The following WDR27 variants were observed in gnomAD, a reference collection of about 807,000 sequenced individuals.
WDR27 encodes WD repeat domain 27, also known as WD repeat-containing protein 27.
In WDR27, 100 loss-of-function variants were observed where a neutral mutation model predicts 114.4. That is an observed-to-expected ratio of 0.87 (90% CI 0.74 to 1.03). The LOEUF is 1.03. Among genes scored for constraint, WDR27 ranks in the 50% least tolerant of loss-of-function variants. The pLI, the probability that WDR27 is intolerant of heterozygous loss-of-function variation, is 0.00. For missense variants in WDR27, 1,129 were observed against 1,092.9 expected, an observed-to-expected ratio of 1.03 and a Z score of -0.47; for synonymous variants, 449 against 423.1, an observed-to-expected ratio of 1.06 and a Z score of -0.75.
At chr6:169,636,138 TC>T (rs1438174026) in intron 19 of WDR27, among the ~76,000 whole-genome samples, 1 of 152,220 alleles carries the variant, frequency 6.6e-6, no homozygotes, top group Non-Finnish European at 1.5e-5. Flanking sequence ...TTGAGGATTC[TC>T]AAATCCCCCA....
At chr6:169,510,925 AT>A (rs759062329) in intron 25 of WDR27, among the ~76,000 whole-genome samples, 44 of 152,186 alleles carry the variant, frequency 2.9e-4, no homozygotes, top group Non-Finnish European at 5.9e-4. Context: ...GGCAAAAAAA[AT>A]ATATATGCAA....
chr6:169,582,604 C>A (rs1485379316), intron 24 of WDR27, among the ~76,000 whole-genome samples: 1 of 152,144 alleles, frequency 6.6e-6, no homozygotes, highest in African/African-American at 2.4e-5. Context: ...GAGTGGCAAA[C>A]ACCTTCATTA....
At chr6:169,672,982 G>GA (rs2128299092) in intron 2 of WDR27, among the ~76,000 whole-genome samples, 1 of 152,294 alleles carries the variant, frequency 6.6e-6, no homozygotes, top group South Asian at 2.1e-4. Context: ...TGGAGCAGAC[G>GA]AGTGTTGGGG....
chr6:169,468,767 T>C (rs1280173943), intron 25 of WDR27, among the ~76,000 whole-genome samples: 1 of 152,102 alleles, frequency 6.6e-6, no homozygotes. Flanking sequence ...CATAACAAAA[T>C]AACATAGATG....
chr6:169,472,627 T>C (rs1786582262), intron 25 of WDR27, among the ~76,000 whole-genome samples: 1 of 152,114 alleles, frequency 6.6e-6, no homozygotes, highest in Non-Finnish European at 1.5e-5. Flanking sequence ...ATGATAGATA[T>C]AGATAAGAAA....
At chr6:169,595,997 C>G (rs372001098) in intron 23 of WDR27, among the ~76,000 whole-genome samples, 76 of 152,132 alleles carry the variant, frequency 5.0e-4, no homozygotes, top group African/African-American at 1.7e-3. Flanking sequence ...AGCTGATACT[C>G]TTTCCCTTAT....
At position 169,669,211 on chromosome 6, in the gene WDR27, T is replaced by C. The variant is rs1180293628; in HGVS notation, c.457-1026A>G. The stretch of plus-strand genomic sequence containing the variant: ...ATCTTTAAAATCAAATGGTATAAAC[T>C]GTTGACTTGTTGAGTATGCTGTTAA... On this transcript the variant is annotated intron_variant, in intron 4 of 25. Transcript: ENST00000448612. Among the ~76,000 whole-genome samples, 4 of 152,266 alleles carry C rather than the reference T, an allele frequency of 2.6e-5. No homozygotes were observed. In the East Asian group the frequency reaches 7.7e-4, roughly 29 times the overall value.
chr6:169,469,656 A>G lies in WDR27; in HGVS notation c.2646-12022T>C, dbSNP rs574393976. ...TCACCACTGAATCATCTTCAGGATCATTCCCTTTTCTTGAGAAATAGTGCA... is the reference window on the plus strand; with the variant it reads ...TCACCACTGAATCATCTTCAGGATCGTTCCCTTTTCTTGAGAAATAGTGCA... On this transcript the variant is annotated intron_variant, in intron 25 of 25. Transcript: ENST00000448612. Among the ~76,000 whole-genome samples, 6 of 152,350 alleles carry G rather than the reference A, an allele frequency of 3.9e-5. No homozygotes were observed. The East Asian group carries it at 1.2e-3, about 29-fold the overall frequency.
At position 169,647,831 on chromosome 6, in the gene WDR27, G is replaced by A. The variant is rs373720202; in HGVS notation, c.1599C>T (p.Pro533=). Residue 533 remains proline, a synonymous_variant, in exon 16 of 26, where the codon CCC becomes CCT. Transcript: ENST00000448612. ...TGGGGGCGGCAGCGACCTGGGGGCC[G>A]GGCTTGGTGGGCACAGCGCACTCCA... ...YPVECAVPTK[P]GPQVAAAPTC... is the part of the protein sequence containing the mutation. 19 of 1,581,772 alleles carry A rather than the reference G, an allele frequency of 1.2e-5. No individual in the cohort carries two copies. In the East Asian group the frequency reaches 2.1e-4, roughly 17 times the overall value.
chr6:169,480,292 C>T (rs1001171843), intron 25 of WDR27, among the ~76,000 whole-genome samples: 30 of 152,312 alleles, frequency 2.0e-4, no homozygotes, highest in African/African-American at 6.5e-4. Context: ...GGCTCGGGAC[C>T]TGCAGCCTGA....
intron 25 of WDR27, among the ~76,000 whole-genome samples, chr6:169,483,220 T>C (rs568595832): frequency 6.6e-6 from 1 of 152,126 alleles, no homozygotes; most frequent in South Asian, 2.1e-4. Context: ...CACAAAACAA[T>C]TCAAAAGATT....
chr6:169,664,297 A>G lies in WDR27; in HGVS notation c.784-11T>C, dbSNP rs1562867749. 1.2e-6 allele frequency: 2 copies of G among 1,613,928 alleles called. No homozygotes were observed. Among genetic ancestry groups the G allele is most frequent in the Non-Finnish European group, 1.7e-6 (2 of 1,179,860 alleles). ...ACTGAAGATCCAAAGCTACAAAAGC[A>G]AAGAAGATGCAGACATGGCGCTGCA... On this transcript the variant is annotated splice_polypyrimidine_tract_variant and intron_variant, in intron 7 of 25. Transcript: ENST00000448612.
At chr6:169,597,675 G>A (rs1023981297) in intron 23 of WDR27, among the ~76,000 whole-genome samples, 1 of 152,106 alleles carries the variant, frequency 6.6e-6, no homozygotes, top group Non-Finnish European at 1.5e-5. Context: ...TGCTTCTAAA[G>A]GTCTTCTGCT....
chr6:169,673,684 A>G (rs1465921566), intron 2 of WDR27, among the ~76,000 whole-genome samples: 1 of 152,116 alleles, frequency 6.6e-6, no homozygotes, highest in Non-Finnish European at 1.5e-5. Context: ...GGGCACAAAA[A>G]TGGTGTAATT....
the WDR27 span, among the ~76,000 whole-genome samples, chr6:169,427,730 T>A: frequency 6.7e-6 from 1 of 148,376 alleles, no homozygotes; most frequent in Non-Finnish European, 1.5e-5. Context: ...AACAAGGGTG[T>A]CAAAAATGAA....
At chr6:169,597,877 T>TATACACACAC (rs1554303018) in intron 23 of WDR27, among the ~76,000 whole-genome samples, 1 of 142,222 alleles carries the variant, frequency 7.0e-6, no homozygotes, top group African/African-American at 2.6e-5. Context: ...TTACCATTCA[T>TATACACACAC]ACACACACAC....
chr6:169,478,757 C>G (rs1787547842), intron 25 of WDR27, among the ~76,000 whole-genome samples: 1 of 152,062 alleles, frequency 6.6e-6, no homozygotes, highest in Admixed American at 6.5e-5. Flanking sequence ...AGAAAGAAAG[C>G]CACACATCAA....
chr6:169,585,097 G>A (rs1013069129), intron 23 of WDR27, among the ~76,000 whole-genome samples: 18 of 152,082 alleles, frequency 1.2e-4, no homozygotes, highest in African/African-American at 4.3e-4. Context: ...TAGGAAAACT[G>A]GATTTCTGCA....
At chr6:169,487,987 C>T (rs892699520) in intron 25 of WDR27, among the ~76,000 whole-genome samples, 38 of 152,308 alleles carry the variant, frequency 2.5e-4, no homozygotes, top group African/African-American at 9.1e-4. Flanking sequence ...TCTGAAAATT[C>T]CAGTCTCTGA....
Sources: gnomAD v4.1 joint callset for allele counts (sites outside exome capture counted in the v4.1 genomes callset) on GRCh38, gnomAD v4.1.1 for gene constraint, MANE v1.5 for transcripts, NCBI Gene and HGNC (gene_info 2026-07-23, HGNC 2026-07-21) for gene names.